LIPG: variants seen among roughly 807,000 people sequenced by gnomAD.
The protein encoded by LIPG is endothelial lipase.
A neutral mutation model predicts 51.8 loss-of-function variants in LIPG; 34 were observed. That is an observed-to-expected ratio of 0.66 (90% confidence interval 0.50 to 0.87). LIPG has a LOEUF of 0.87. LIPG is among the 40% of genes least tolerant of loss of function. LIPG has a pLI of 0.00. For missense variants in LIPG, 580 were observed against 652.7 expected (o/e 0.89, Z 1.21); for synonymous variants, 246 against 246.1 (o/e 1.00, Z 0.00).
intron 8 of LIPG, among the ~76,000 whole-genome samples, 189 bp downstream of exon 8, chr18:49,583,963 C>T (rs1471594165): frequency 3.3e-5 from 5 of 152,332 alleles, no homozygotes; most frequent in Admixed American, 1.3e-4. Context: ...TTACGCATCT[C>T]ATGCCCTGAA....
chr18:49,579,221 A>T (rs550312662), intron 5 of LIPG, among the ~76,000 whole-genome samples: 1 of 109,918 alleles, frequency 9.1e-6, no homozygotes, highest in Non-Finnish European at 1.8e-5. Context: ...AGGGAGAGGG[A>T]GAGGGAGAGG....
intron 3 of LIPG, among the ~76,000 whole-genome samples, chr18:49,568,900 C>T (rs1004267400): frequency 7.9e-5 from 12 of 152,116 alleles, no homozygotes; most frequent in African/African-American, 1.2e-4. Flanking sequence ...GTTTGGTTTC[C>T]GAGCCATGGG....
rs753303386 is a variant in LIPG at position 49,581,487 on chromosome 18, A to G, written c.866A>G (p.Asp289Gly). The G allele has an allele frequency of 1.2e-5, 20 of 1,614,084 alleles. No homozygotes were observed. The Admixed American group carries it at 3.3e-4, about 27-fold the overall frequency. Residue 289 changes from aspartate to glycine, a missense_variant, in exon 6 of 10, where the codon GAC becomes GGC. Asp to Gly is a moderately conservative substitution (Grantham distance 94). Transcript: ENST00000261292. Reference protein sequence around the residue: ...HLFVDSLVNQDKPSFAFQCTD... With the variant: ...HLFVDSLVNQGKPSFAFQCTD... ...TTTGTTGACTCTCTGGTGAATCAGG[A>G]CAAGCCGAGTTTTGCCTTCCAGTGC...
intron 9 of LIPG, among the ~76,000 whole-genome samples, chr18:49,587,426 G>C (rs984636580): frequency 6.6e-6 from 1 of 151,630 alleles, no homozygotes; most frequent in Non-Finnish European, 1.5e-5. Flanking sequence ...AAAATTAGAC[G>C]GGCATGGTGA....
rs1194957444 is a variant in LIPG, at chr18:49,592,196, C to T, written c.*1674C>T. On this transcript the variant is annotated 3_prime_UTR_variant, in exon 10 of 10. Transcript: ENST00000261292. ...CCAAAGTTGTATCACTGTTAAACTTCTGAAGACATAACCAGTTGAGTCTTA... is the reference window on the plus strand; with the variant it reads ...CCAAAGTTGTATCACTGTTAAACTTTTGAAGACATAACCAGTTGAGTCTTA... 1.3e-5 allele frequency: 2 copies of T among 152,194 alleles called. No homozygotes were observed. The highest frequency in any genetic ancestry group is 1.3e-4 in the Admixed American group (2 of 15,266). The allele number at this position is 152,194 out of a possible 1,614,324, so 9.4% of individuals were successfully genotyped here.
At chr18:49,590,242 C>T in intron 9 of LIPG, 1 of 570,188 alleles carries the variant, frequency 1.8e-6, no homozygotes, top group Non-Finnish European at 3.2e-6. Flanking sequence ...AATGCAAGAA[C>T]TGTGATGTAC....
upstream of LIPG, chr18:49,561,738 A>C: frequency 1.6e-6 from 2 of 1,244,608 alleles, no homozygotes; most frequent in Non-Finnish European, 2.0e-6. Flanking sequence ...GTTTCAGGGA[A>C]ATGTCCGCCT....
chr18:49,580,918 T>G (rs78851581), intron 5 of LIPG, among the ~76,000 whole-genome samples: 2 of 152,148 alleles, frequency 1.3e-5, no homozygotes, highest in Non-Finnish European at 2.9e-5. Context: ...TGGCCTTAAA[T>G]TCCTCTACAT....
In LIPG at chr18:49,563,880, C is replaced by T. The variant is rs772343279; in HGVS notation, c.98-1437C>T. ...GTCTTTGTCCATATGTGGGTTTATC[C>T]GCAGATCTGTCTCAGGAATCCAGGA... On this transcript the variant is annotated intron_variant, in intron 1 of 9. Transcript: ENST00000261292. 7.2e-5 allele frequency among the ~76,000 whole-genome samples: 11 copies of T among 152,178 alleles called. No homozygotes were observed. In the East Asian group the frequency reaches 7.7e-4, roughly 11 times the overall value.
At position 49,586,802 on chromosome 18, in the gene LIPG, T is replaced by C; in HGVS notation, c.1433T>C (p.Leu478Pro). 2 of 1,614,116 alleles carry C rather than the reference T, an allele frequency of 1.2e-6. No individual in the cohort carries two copies. Among genetic ancestry groups the C allele is most frequent in the Non-Finnish European group, 1.7e-6 (2 of 1,179,996 alleles). The change falls in exon 9 of 10, where the codon CTC (leucine) becomes CCC (proline). Residue 478 changes from leucine (L) to proline (P), a missense_variant. Physicochemically the swap from Leu to Pro is moderately conservative, Grantham distance 98. Coordinates refer to ENST00000261292, the MANE Select transcript of LIPG (RefSeq NM_006033.4). ...ENTSISPGRE[L>P]WFRKCRDGWR... ...ACCAGCATATCCCCAGGCCGGGAGCTCTGGTTTCGCAAGTGTCGGGATGGC... is the reference window on the plus strand; with the variant it reads ...ACCAGCATATCCCCAGGCCGGGAGCCCTGGTTTCGCAAGTGTCGGGATGGC...
At position 49,583,865 on chromosome 18, in the gene LIPG, C is replaced by T. The variant is rs1363677869; in HGVS notation, c.1376+91C>T. 3.5e-6 allele frequency: 4 copies of T among 1,152,284 alleles called. No homozygotes were observed. In the African/African-American group the frequency reaches 6.2e-5, roughly 18 times the overall value. The allele number at this position is 1,152,284 out of a possible 1,614,324, so 71.4% of individuals were successfully genotyped here. A position where few individuals can be genotyped will look rare whatever the true frequency, so the allele number is the denominator to read the frequency against. On this transcript the variant is annotated intron_variant, in intron 8 of 9. Coordinates refer to ENST00000261292, the MANE Select transcript of LIPG (RefSeq NM_006033.4). Reference sequence around the variant, plus strand: ...TTTCCTTTCCTTTGCTGCATCTACCCTCAATCCTTCCCTCCAGCATGCAGG... The same window carrying T: ...TTTCCTTTCCTTTGCTGCATCTACCTTCAATCCTTCCCTCCAGCATGCAGG...
At chr18:49,583,992 C>T (rs770027867) in intron 8 of LIPG, among the ~76,000 whole-genome samples, 8 of 152,146 alleles carry the variant, frequency 5.3e-5, no homozygotes, top group Non-Finnish European at 1.2e-4. Flanking sequence ...CTCAGGGAGA[C>T]GGGTGGGCCA....
Position 49,590,764 on chromosome 18 carries a change from G to C in LIPG, c.*242G>C, listed in dbSNP as rs78005569. 1,048 of 591,978 alleles carry C rather than the reference G, an allele frequency of 1.8e-3. 8 individuals are homozygous for C. Among genetic ancestry groups the C allele is most frequent in the African/African-American group, 0.017 (941 of 53,950 alleles). 36.7% of individuals were successfully genotyped at this position (591,978 alleles called of 1,614,324 possible). A position where few individuals can be genotyped will look rare whatever the true frequency, so the allele number is the denominator to read the frequency against. On this transcript the variant is annotated 3_prime_UTR_variant, in exon 10 of 10. Coordinates refer to ENST00000261292, the MANE Select transcript of LIPG (RefSeq NM_006033.4). ...CTCCAAACCTCTGTCCACACCTCCA[G>C]AGCACCAAGTCCAGATTTGTGTGTA...
intron 5 of LIPG, among the ~76,000 whole-genome samples, chr18:49,577,749 AC>A (rs565551054): frequency 0.26 from 16,080 of 62,718 alleles, 2,709 homozygotes; most frequent in African/African-American, 0.29. Flanking sequence ...GGGGGGGCTG[AC>A]CCCCCCACCT....
intron 9 of LIPG, chr18:49,590,252 C>G: frequency 1.7e-6 from 1 of 598,464 alleles, no homozygotes. Flanking sequence ...CTGTGATGTA[C>G]TCAACTCAGG....
At chr18:49,578,911 CTG>C (rs1333739082) in intron 5 of LIPG, among the ~76,000 whole-genome samples, 5 of 146,516 alleles carry the variant, frequency 3.4e-5, no homozygotes, top group South Asian at 2.2e-4. Context: ...ACTCGGCAGG[CTG>C]AGGCAGGAGA....
intron 9 of LIPG, among the ~76,000 whole-genome samples, chr18:49,588,436 C>G (rs1290104588): frequency 6.6e-6 from 1 of 152,122 alleles, no homozygotes; most frequent in Middle Eastern, 3.2e-3. Context: ...GTGCCTGCTA[C>G]CACGCCTGGC....
chr18:49,582,513 G>A, intron 7 of LIPG, 31 bp downstream of exon 7: 1 of 1,614,088 alleles, frequency 6.2e-7, no homozygotes, highest in South Asian at 1.1e-5. Flanking sequence ...GCTGGGTTCG[G>A]GACAGAGAAC....
chr18:49,573,057 G>A (rs1315094984), intron 4 of LIPG, among the ~76,000 whole-genome samples: 1 of 152,216 alleles, frequency 6.6e-6, no homozygotes, highest in African/African-American at 2.4e-5. Context: ...GGTAGGTGAA[G>A]GCCCAGCCTT....
Sources: gnomAD v4.1 joint callset for allele counts (sites outside exome capture counted in the v4.1 genomes callset) on GRCh38, gnomAD v4.1.1 for gene constraint, MANE v1.5 for transcripts, NCBI Gene and HGNC (gene_info 2026-07-23, HGNC 2026-07-21) for gene names.